CPPED1: variants seen among roughly 807,000 people sequenced by gnomAD.
The protein encoded by CPPED1 is serine/threonine-protein phosphatase CPPED1.
In CPPED1, 28 loss-of-function variants were observed where a neutral mutation model predicts 28.0. That is an observed-to-expected ratio of 1.00 (90% CI 0.74 to 1.37). The LOEUF (loss-of-function observed/expected upper bound fraction) is 1.37, where lower values mean the gene tolerates loss of function less well. Ranked by LOEUF, CPPED1 falls within the 40% of genes most tolerant of loss-of-function variation. The pLI is 0.00. For synonymous variants in CPPED1, 198 were observed against 180.2 expected (o/e 1.10, Z -0.79); for missense variants, 504 against 416.5 (o/e 1.21, Z -1.83).
chr16:12,705,968 G>A (rs1251302035), intron 2 of CPPED1, among the ~76,000 whole-genome samples: 1 of 152,200 alleles, frequency 6.6e-6, no homozygotes, highest in African/African-American at 2.4e-5. Flanking sequence ...CGCTGTAACT[G>A]TGGATTGATC....
At chr16:12,751,406 T>C (rs1465849518) in intron 2 of CPPED1, among the ~76,000 whole-genome samples, 1 of 152,210 alleles carries the variant, frequency 6.6e-6, no homozygotes, top group East Asian at 1.9e-4. Context: ...CATGAAAATA[T>C]ATTACATTTT....
intron 3 of CPPED1, among the ~76,000 whole-genome samples, chr16:12,702,840 T>C (rs927857650): frequency 2.0e-5 from 3 of 151,836 alleles, no homozygotes; most frequent in Non-Finnish European, 4.4e-5. Context: ...CTGGCCAAAC[T>C]GTCTCTACTA....
At chr16:12,739,539 C>T (rs1217008796) in intron 2 of CPPED1, among the ~76,000 whole-genome samples, 1 of 152,120 alleles carries the variant, frequency 6.6e-6, no homozygotes, top group Non-Finnish European at 1.5e-5. Flanking sequence ...CAAGATCACA[C>T]CATTGCCCTC....
At chr16:12,730,400 A>G (rs540026339) in intron 2 of CPPED1, among the ~76,000 whole-genome samples, 2 of 152,310 alleles carry the variant, frequency 1.3e-5, no homozygotes, top group East Asian at 3.9e-4. Context: ...GCCAAAGACA[A>G]ACCCACATCT....
intron 2 of CPPED1, among the ~76,000 whole-genome samples, chr16:12,779,153 G>A (rs2080514978): frequency 6.6e-6 from 1 of 152,112 alleles, no homozygotes; most frequent in Admixed American, 6.6e-5. Flanking sequence ...ATTCCAGTGA[G>A]CCCTATAACA....
intron 2 of CPPED1, among the ~76,000 whole-genome samples, chr16:12,776,834 G>A (rs531924517): frequency 7.9e-5 from 12 of 152,038 alleles, no homozygotes; most frequent in African/African-American, 2.2e-4. Context: ...CAGGAGAATC[G>A]CTTGAACCCA....
At chr16:12,700,209 G>A (rs574434344) in intron 3 of CPPED1, among the ~76,000 whole-genome samples, 6 of 152,228 alleles carry the variant, frequency 3.9e-5, no homozygotes, top group African/African-American at 1.4e-4. Context: ...TTTAGGTGAA[G>A]ACCCTTAGGC....
intron 3 of CPPED1, among the ~76,000 whole-genome samples, chr16:12,700,880 A>G (rs1200414843): frequency 6.6e-6 from 1 of 152,174 alleles, no homozygotes; most frequent in African/African-American, 2.4e-5. Flanking sequence ...GGATAAGAGA[A>G]GCTGAAGAAC....
chr16:12,670,890 G>A lies in CPPED1; in HGVS notation c.716-5775C>T, dbSNP rs567192019. 1.3e-4 allele frequency among the ~76,000 whole-genome samples: 19 copies of A among 151,992 alleles called. No individual in the cohort carries two copies. Among genetic ancestry groups the A allele is most frequent in the Middle Eastern group, 3.4e-3 (1 of 294 alleles). On this transcript the variant is annotated intron_variant, in intron 3 of 3. Coordinates refer to ENST00000381774, the MANE Select transcript of CPPED1 (RefSeq NM_018340.3). The surrounding 1 kb of genome is among the most constrained non-coding windows in gnomAD (Gnocchi z 4.2). The stretch of plus-strand genomic sequence containing the variant: ...TTTTGAGGTGGAGTCTCACTGTGAC[G>A]CCCATGCTGAAGTACAGTGGTGCGA...
At chr16:12,690,359 C>T (rs1054653135) in intron 3 of CPPED1, among the ~76,000 whole-genome samples, 4 of 151,316 alleles carry the variant, frequency 2.6e-5, no homozygotes, top group Non-Finnish European at 4.4e-5. Context: ...ATTGAAAATA[C>T]AAAAATTAGC....
intron 3 of CPPED1, among the ~76,000 whole-genome samples, chr16:12,677,030 G>A (rs1275948645): frequency 6.6e-6 from 1 of 152,146 alleles, no homozygotes. Context: ...CACATCAGGT[G>A]AGGGGAATAT....
chr16:12,780,821 G>C (rs553443233), intron 2 of CPPED1, among the ~76,000 whole-genome samples: 1 of 152,142 alleles, frequency 6.6e-6, no homozygotes, highest in East Asian at 1.9e-4. Flanking sequence ...AGAAATAAAA[G>C]TGTAAGAAGA....
At chr16:12,695,800 G>A (rs561004310) in intron 3 of CPPED1, among the ~76,000 whole-genome samples, 79 of 152,198 alleles carry the variant, frequency 5.2e-4, no homozygotes, top group African/African-American at 1.8e-3. Context: ...TCACCATTTG[G>A]CTGTGCTCGA....
chr16:12,782,503 A>G (rs1429626193), intron 1 of CPPED1, among the ~76,000 whole-genome samples: 2 of 150,518 alleles, frequency 1.3e-5, no homozygotes, highest in African/African-American at 2.4e-5. Context: ...ATGGCCTGCT[A>G]GCGCTTAGTG....
intron 1 of CPPED1, among the ~76,000 whole-genome samples, chr16:12,794,683 T>G (rs779861485): frequency 5.3e-5 from 8 of 152,208 alleles, no homozygotes; most frequent in Non-Finnish European, 1.2e-4. Flanking sequence ...TGACCTTTGA[T>G]CATCAAGTCA....
intron 3 of CPPED1, among the ~76,000 whole-genome samples, chr16:12,680,858 T>A (rs1301509307): frequency 6.6e-6 from 1 of 152,166 alleles, no homozygotes; most frequent in East Asian, 1.9e-4. Flanking sequence ...TCAAGCCTCA[T>A]CTCCTCTGAT....
rs1032788281 is a variant in CPPED1, at chr16:12,670,993, G to C, written c.716-5878C>G. 1.3e-5 allele frequency among the ~76,000 whole-genome samples: 2 copies of C among 152,092 alleles called. No individual in the cohort carries two copies. The highest frequency in any genetic ancestry group is 4.8e-5 in the African/African-American group (2 of 41,410). ...AGCCTCCTGAGTAGCTGGGATTACA[G>C]GTGCCTGCCACCATGCCCAGCTCAC... On this transcript the variant is annotated intron_variant, in intron 3 of 3. Transcript: ENST00000381774. The surrounding 1 kb of genome is among the most constrained non-coding windows in gnomAD (Gnocchi z 4.2).
intron 3 of CPPED1, among the ~76,000 whole-genome samples, chr16:12,676,664 G>C (rs1047221262): frequency 3.3e-5 from 5 of 152,144 alleles, no homozygotes; most frequent in African/African-American, 7.2e-5. Context: ...CTTCCTGGAG[G>C]GGGTGGCTCT....
intron 2 of CPPED1, among the ~76,000 whole-genome samples, chr16:12,716,550 T>C (rs948744915): frequency 6.6e-6 from 1 of 152,270 alleles, no homozygotes; most frequent in Non-Finnish European, 1.5e-5. Context: ...TGCTACAGTC[T>C]GAACTCAGGT....
Sources: gnomAD v4.1 joint callset for allele counts (sites outside exome capture counted in the v4.1 genomes callset) on GRCh38, gnomAD v4.1.1 for gene constraint, Gnocchi (gnomAD v3.1) non-coding constraint, MANE v1.5 for transcripts, NCBI Gene and HGNC (gene_info 2026-07-23, HGNC 2026-07-21) for gene names.